The following MGST1 variants were observed in gnomAD, a reference collection of about 807,000 sequenced individuals.
MGST1 encodes glutathione S-transferase 12.
MGST1 carries 5 observed loss-of-function variants against 8.9 expected under a neutral mutation model. The observed-to-expected ratio is 0.56, with a 90% confidence interval of 0.29 to 1.19. MGST1 has a LOEUF of 1.19. Ranked by LOEUF, MGST1 falls within the 50% of genes most tolerant of loss-of-function variation. The pLI is 0.08. For missense variants in MGST1, 182 were observed against 187.4 expected, an observed-to-expected ratio of 0.97 and a Z score of 0.17; for synonymous variants, 54 against 67.8, an observed-to-expected ratio of 0.80 and a Z score of 1.00.
Position 16,569,452 on chromosome 12 carries a change from A to G in MGST1, n.483-20076A>G, listed in dbSNP as rs1257615724. Among the ~76,000 whole-genome samples, 4 of 152,166 alleles carry G rather than the reference A, an allele frequency of 2.6e-5. No individual in the cohort carries two copies. In the East Asian group the frequency reaches 7.7e-4, roughly 29 times the overall value. On this transcript the variant is annotated intron_variant and non_coding_transcript_variant, in intron 4 of 4. Coordinates refer to the MGST1 transcript ENST00000538857. ...AAGTTGCAAACAGTGTTTAAACATTATACTTTCCCTTTCAACAAATAATTG... is the reference window on the plus strand; with the variant it reads ...AAGTTGCAAACAGTGTTTAAACATTGTACTTTCCCTTTCAACAAATAATTG...
Position 16,413,283 on chromosome 12 carries a change from A to G in MGST1, n.779-24105A>G, listed in dbSNP as rs1940757979. Among the ~76,000 whole-genome samples, 1 of 152,176 alleles carries G rather than the reference A, an allele frequency of 6.6e-6. No individual in the cohort carries two copies. Among genetic ancestry groups the G allele is most frequent in the African/African-American group, 2.4e-5 (1 of 41,446 alleles). On this transcript the variant is annotated intron_variant and non_coding_transcript_variant, in intron 1 of 1. Transcript: ENST00000359720. This position sits in a 1 kb window ranked among gnomAD's most constrained non-coding sequence, Gnocchi z 4.0. ...CACATACCACTTGTGTTGAGAAGCCATGCTAGCCACTGCTCAGGTAGCTGT... is the reference window on the plus strand; with the variant it reads ...CACATACCACTTGTGTTGAGAAGCCGTGCTAGCCACTGCTCAGGTAGCTGT...
At position 16,469,289 on chromosome 12, in the gene MGST1, G is replaced by A. The variant is rs933241762; in HGVS notation, n.482+85685G>A. 1.3e-4 allele frequency among the ~76,000 whole-genome samples: 19 copies of A among 148,522 alleles called. No individual in the cohort carries two copies. In the South Asian group the frequency reaches 2.8e-3, roughly 22 times the overall value. ...CAACCTCTGTCTCCAGGGGTCAAGC[G>A]ATTCTCCTGCCTCAGCCTCCCAAGT... On this transcript the variant is annotated intron_variant and non_coding_transcript_variant, in intron 4 of 4. Transcript: ENST00000538857.
intron 1 of MGST1, among the ~76,000 whole-genome samples, chr12:16,352,201 A>G (rs1034300470): frequency 2.6e-5 from 4 of 152,238 alleles, no homozygotes; most frequent in Non-Finnish European, 5.9e-5. Flanking sequence ...TAATGTACAT[A>G]GTATAGTTGA....
At chr12:16,456,535 T>G (rs1226311405) in intron 4 of MGST1, among the ~76,000 whole-genome samples, 1 of 151,952 alleles carries the variant, frequency 6.6e-6, no homozygotes, top group Admixed American at 6.6e-5. Context: ...AAAAGTTAGA[T>G]AGGAATATGA....
At chr12:16,491,598 G>C (rs1941438478) in intron 4 of MGST1, among the ~76,000 whole-genome samples, 1 of 130,476 alleles carries the variant, frequency 7.7e-6, no homozygotes. Context: ...AGCTTGAAAA[G>C]GCACCGATTT....
At chr12:16,429,002 T>C (rs529926542) in intron 1 of MGST1, among the ~76,000 whole-genome samples, 1 of 152,098 alleles carries the variant, frequency 6.6e-6, no homozygotes, top group Non-Finnish European at 1.5e-5. Flanking sequence ...CACATCGTTG[T>C]GTACATTTTT....
In MGST1 at chr12:16,561,531, G is replaced by A. The variant is rs568716498; in HGVS notation, n.483-27997G>A. ...AAATTAAAAGCAGTTCTAAACTAAT[G>A]AATTCAAAGGTGCTATAGAGAAAAC... On this transcript the variant is annotated intron_variant and non_coding_transcript_variant, in intron 4 of 4. Transcript: ENST00000538857. 2.0e-4 allele frequency among the ~76,000 whole-genome samples: 30 copies of A among 152,240 alleles called. No individual in the cohort carries two copies. In the East Asian group the frequency reaches 4.2e-3, roughly 22 times the overall value.
At chr12:16,352,693 G>T (rs1043007758) in intron 1 of MGST1, among the ~76,000 whole-genome samples, 4 of 152,200 alleles carry the variant, frequency 2.6e-5, no homozygotes, top group Admixed American at 6.5e-5. Flanking sequence ...TCCAGACACA[G>T]ATAACTACAT....
At chr12:16,417,028 A>G (rs1224743956) in intron 1 of MGST1, among the ~76,000 whole-genome samples, 1 of 152,202 alleles carries the variant, frequency 6.6e-6, no homozygotes, top group Non-Finnish European at 1.5e-5. Flanking sequence ...GTTGACAGAT[A>G]AATTATTTAT....
chr12:16,519,530 T>C (rs1341849669), intron 4 of MGST1, among the ~76,000 whole-genome samples: 1 of 152,208 alleles, frequency 6.6e-6, no homozygotes, highest in Non-Finnish European at 1.5e-5. Flanking sequence ...AACATTCACA[T>C]TGTCCAGTTG....
At chr12:16,390,680 A>G (rs1400647425) in intron 1 of MGST1, among the ~76,000 whole-genome samples, 1 of 152,098 alleles carries the variant, frequency 6.6e-6, no homozygotes, top group African/African-American at 2.4e-5. Flanking sequence ...CATGGTGTAT[A>G]TGTACACATT....
intron 4 of MGST1, among the ~76,000 whole-genome samples, chr12:16,490,021 G>A (rs1031481458): frequency 1.3e-5 from 2 of 152,086 alleles, no homozygotes; most frequent in African/African-American, 4.8e-5. Context: ...CCAGCACTTT[G>A]GAGGCCTAGG....
At chr12:16,441,304 A>G (rs1941036996), downstream of MGST1, among the ~76,000 whole-genome samples, 1 of 151,838 alleles carries the variant, frequency 6.6e-6, no homozygotes, top group South Asian at 2.1e-4. Context: ...AGAACGATAC[A>G]TTTGTTACAA....
rs756064587 is a variant in MGST1 at position 16,576,631 on chromosome 12, T to C, written n.483-12897T>C. On this transcript the variant is annotated intron_variant and non_coding_transcript_variant, in intron 4 of 4. Transcript: ENST00000538857. The surrounding 1 kb of genome is among the most constrained non-coding windows in gnomAD (Gnocchi z 4.1). ...ACTACATAATAAGCTCCCTGAAAAC[T>C]TGCCTTCTCCTTTACTCTGCACCTA... Among the ~76,000 whole-genome samples, 14 of 152,210 alleles carry C rather than the reference T, an allele frequency of 9.2e-5. No individual in the cohort carries two copies. Among genetic ancestry groups the C allele is most frequent in the Non-Finnish European group, 1.9e-4 (13 of 68,040 alleles).
chr12:16,442,158 G>T (rs1393452042), downstream of MGST1, among the ~76,000 whole-genome samples: 1 of 151,654 alleles, frequency 6.6e-6, no homozygotes, highest in South Asian at 2.1e-4. The surrounding 1 kb of genome is among the most constrained non-coding windows in gnomAD (Gnocchi z 4.5). Context: ...TTTAAATAGG[G>T]TTGTTCATTT....
At chr12:16,494,355 T>C (rs1183961736) in intron 4 of MGST1, among the ~76,000 whole-genome samples, 2 of 152,158 alleles carry the variant, frequency 1.3e-5, no homozygotes, top group Non-Finnish European at 2.9e-5. Context: ...AGAGGATTTA[T>C]GCTTTGAAAC....
intron 4 of MGST1, among the ~76,000 whole-genome samples, chr12:16,574,559 AG>A (rs1225126152): frequency 8.5e-5 from 13 of 152,176 alleles, no homozygotes; most frequent in Admixed American, 7.2e-4. Context: ...TGTTTTAGGT[AG>A]GGGATAAAAG....
At position 16,587,610 on chromosome 12, in the gene MGST1, T is replaced by A. The variant is rs1011166302; in HGVS notation, n.483-1918T>A. Among the ~76,000 whole-genome samples, 1 of 152,082 alleles carries A rather than the reference T, an allele frequency of 6.6e-6. No individual in the cohort carries two copies. Among genetic ancestry groups the A allele is most frequent in the Non-Finnish European group, 1.5e-5 (1 of 68,012 alleles). On this transcript the variant is annotated intron_variant and non_coding_transcript_variant, in intron 4 of 4. Coordinates refer to the MGST1 transcript ENST00000538857. The surrounding 1 kb of genome is among the most constrained non-coding windows in gnomAD (Gnocchi z 4.3). ...TTTTCTTAAATTGTATTTCTGTCAG[T>A]GTATCATTTTTTTAAGCAATGGACC...
intron 1 of MGST1, among the ~76,000 whole-genome samples, chr12:16,390,384 T>C (rs527307237): frequency 2.0e-4 from 30 of 152,328 alleles, no homozygotes; most frequent in African/African-American, 7.0e-4. Context: ...TCCAGATTAT[T>C]TTGTCACCCA....
Sources: gnomAD v4.1 joint callset for allele counts (sites outside exome capture counted in the v4.1 genomes callset) on GRCh38, gnomAD v4.1.1 for gene constraint, Gnocchi (gnomAD v3.1) non-coding constraint, MANE v1.5 for transcripts, NCBI Gene and HGNC (gene_info 2026-07-23, HGNC 2026-07-21) for gene names.